ANAPC2: variants seen among roughly 807,000 people sequenced by gnomAD.
The protein encoded by ANAPC2 is anaphase promoting complex subunit 2.
A neutral mutation model predicts 84.3 loss-of-function variants in ANAPC2; 29 were observed. The observed-to-expected ratio is 0.34, with a 90% CI of 0.26 to 0.47. ANAPC2 has a LOEUF of 0.47. Among genes scored for constraint, ANAPC2 ranks in the 20% least tolerant of loss-of-function variants. The pLI is 1.00. For missense variants in ANAPC2, 857 were observed against 1,131.7 expected, an observed-to-expected ratio of 0.76 and a Z score of 3.48; for synonymous variants, 571 against 479.4, an observed-to-expected ratio of 1.19 and a Z score of -2.50.
At position 137,188,467 on chromosome 9, in the gene ANAPC2, C is replaced by T; in HGVS notation, c.66G>A (p.Val22=). The part of the protein sequence containing the change: ...SDSRPGQELL[V]AWNTVSTGLV... ...GGCCGGTGCTCACGGTGTTCCAGGC[C>T]ACTAACAACTCCTGTCCGGGCCGGG... The change falls in exon 1 of 13, where the codon GTG becomes GTA. Residue 22 remains valine (V), a synonymous_variant. Transcript: ENST00000323927. The T allele has an allele frequency of 5.6e-6, 9 of 1,610,548 alleles. No individual in the cohort carries two copies. Among genetic ancestry groups the T allele is most frequent in the Non-Finnish European group, 6.8e-6 (8 of 1,179,540 alleles).
At chr9:137,188,305 G>T in intron 1 of ANAPC2, 111 bp downstream of exon 1, 1 of 1,339,918 alleles carries the variant, frequency 7.5e-7, no homozygotes, top group Non-Finnish European at 1.0e-6. Flanking sequence ...TGGCAGGACA[G>T]GACAGAGGCG....
chr9:137,174,912 T>TGGCGGGCG lies in ANAPC2; in HGVS notation c.*22_*29dup, dbSNP rs367818808. 9.1e-3 allele frequency: 5,034 copies of TGGCGGGCG among 552,368 alleles called. 45 individuals carry two copies. In the East Asian group the frequency reaches 0.11, roughly 12 times the overall value. The allele number at this position is 552,368 out of a possible 1,614,324, so 34.2% of individuals were successfully genotyped here. ...ACGAGAGCACCTGCAGGGCAGCGCC[T>TGGCGGGCG]GGCGGGCGGGCGGGCGGGCGGGCGA... is the stretch of plus-strand genomic sequence containing the variant. On this transcript the variant is annotated 3_prime_UTR_variant, in exon 13 of 13. Coordinates refer to ENST00000323927, the MANE Select transcript of ANAPC2 (RefSeq NM_013366.4). The surrounding 1 kb of genome is among the most constrained non-coding windows in gnomAD (Gnocchi z 6.1).
rs142080330 is a variant in ANAPC2 at position 137,181,744 on chromosome 9, C to T, written c.1405G>A (p.Asp469Asn). ...TDPASLETGQDSEDDSGEPED... is the reference protein window; with the variant it reads ...TDPASLETGQNSEDDSGEPED... The stretch of plus-strand genomic sequence containing the variant: ...GGCTCGCCTGAGTCATCCTCACTGT[C>T]CTGGCCTGTCTCCAGGCTCGCCGGG... The change falls in exon 7 of 13, where the codon GAC becomes AAC. Residue 469 changes from aspartate to asparagine, a missense_variant. Coordinates refer to ENST00000323927, the MANE Select transcript of ANAPC2 (RefSeq NM_013366.4). 1.2e-6 allele frequency: 2 copies of T among 1,612,362 alleles called. No individual in the cohort carries two copies. The highest frequency in any genetic ancestry group is 1.3e-5 in the African/African-American group (1 of 74,934).
chr9:137,177,797 G>A (rs961800950), intron 10 of ANAPC2, among the ~76,000 whole-genome samples: 1 of 134,984 alleles, frequency 7.4e-6, no homozygotes, highest in Non-Finnish European at 1.8e-5. Flanking sequence ...CCCTGGAATA[G>A]AGAGAGTGTT....
rs1377457281 is a variant in ANAPC2, at chr9:137,175,033, T to C, written c.2378A>G (p.Gln793Arg). The change falls in exon 13 of 13, where the codon CAG becomes CGG. Residue 793 changes from glutamine (Q) to arginine (R), a missense_variant. Transcript: ENST00000323927. Reference protein sequence around the residue: ...TGPALAEIDLQELQGYLQKKV... With the variant: ...TGPALAEIDLRELQGYLQKKV... ...CTTCTGCAGGTAGCCCTGCAGCTCCTGCAGGTCAATCTCGGCCAGTGCAGG... is the reference window on the plus strand; with the variant it reads ...CTTCTGCAGGTAGCCCTGCAGCTCCCGCAGGTCAATCTCGGCCAGTGCAGG... 3.1e-6 allele frequency: 5 copies of C among 1,605,076 alleles called. No individual in the cohort carries two copies. The East Asian group carries it at 6.7e-5, about 22-fold the overall frequency.
chr9:137,181,148 G>A (rs530156197), intron 7 of ANAPC2, among the ~76,000 whole-genome samples: 110 of 152,340 alleles, frequency 7.2e-4, no homozygotes, highest in Non-Finnish European at 1.2e-3. Flanking sequence ...GGACCTTCCG[G>A]GACTCCCATG....
intron 10 of ANAPC2, 38 bp downstream of exon 10, chr9:137,180,143 G>A (rs760488830): frequency 5.3e-5 from 85 of 1,597,170 alleles, no homozygotes; most frequent in Middle Eastern, 3.3e-4. Flanking sequence ...CAGGGTAGGG[G>A]TGCCAAGAGC....
chr9:137,181,011 G>T, intron 7 of ANAPC2, 82 bp from the exon 8 acceptor site: 1 of 1,548,864 alleles, frequency 6.5e-7, no homozygotes. Context: ...CGCCCAGCCA[G>T]ACGGCACAGC....
chr9:137,185,981 C>T (rs781007386), intron 3 of ANAPC2, among the ~76,000 whole-genome samples: 19 of 152,310 alleles, frequency 1.2e-4, no homozygotes, highest in Middle Eastern at 3.4e-3. Context: ...GATCCTGGCC[C>T]GATACCGCCT....
At chr9:137,183,454 C>T (rs1410209331) in intron 5 of ANAPC2, 2 of 784,778 alleles carry the variant, frequency 2.5e-6, no homozygotes, top group Admixed American at 5.7e-5. Flanking sequence ...CTCATCACCT[C>T]AGACCTACCG....
chr9:137,181,080 G>A, intron 7 of ANAPC2, 151 bp from the exon 8 acceptor site: 1 of 983,138 alleles, frequency 1.0e-6, no homozygotes, highest in Non-Finnish European at 1.5e-6. Context: ...CCTCCCGGGA[G>A]ACCTGGAGTC....
chr9:137,180,014 A>C (rs2131334151), intron 10 of ANAPC2, among the ~76,000 whole-genome samples, 167 bp downstream of exon 10: 1 of 152,276 alleles, frequency 6.6e-6, no homozygotes, highest in South Asian at 2.1e-4. Flanking sequence ...AGGCGGAGAG[A>C]GCGTGGGCCA....
At chr9:137,185,575 C>T (rs1187697489) in intron 3 of ANAPC2, among the ~76,000 whole-genome samples, 1 of 152,238 alleles carries the variant, frequency 6.6e-6, no homozygotes, top group Non-Finnish European at 1.5e-5. Flanking sequence ...CTACTACCCA[C>T]TCTTGCCCAC....
intron 2 of ANAPC2, chr9:137,187,209 GT>G: frequency 2.0e-6 from 1 of 489,228 alleles, no homozygotes; most frequent in African/African-American, 1.9e-5. Context: ...AGTCCAGGAA[GT>G]TTGGAGTTGC....
At chr9:137,185,488 G>A (rs903263511) in intron 3 of ANAPC2, among the ~76,000 whole-genome samples, 2 of 152,170 alleles carry the variant, frequency 1.3e-5, no homozygotes, top group African/African-American at 2.4e-5. Context: ...CAATTCCGCC[G>A]CGGGGCCCAG....
intron 11 of ANAPC2, 38 bp from the exon 12 acceptor site, chr9:137,175,510 C>T (rs1158363729): frequency 2.6e-6 from 4 of 1,515,580 alleles, no homozygotes; most frequent in Non-Finnish European, 3.5e-6. Flanking sequence ...GCAGCCTGGG[C>T]ACGGGCTGCA....
intron 10 of ANAPC2, 90 bp downstream of exon 10, chr9:137,180,091 C>G (rs568058882): frequency 7.1e-7 from 1 of 1,413,468 alleles, no homozygotes; most frequent in African/African-American, 1.4e-5. Context: ...CGGGTGACAA[C>G]GGGGCAGCCA....
Position 137,180,186 on chromosome 9 carries a change from G to C in ANAPC2, c.1885C>G (p.Leu629Val). Residue 629 changes from leucine (L) to valine (V), a missense_variant, in exon 10 of 13, where the codon CTC (leucine) becomes GTC (valine). This residue lies in a region of ANAPC2 where 425 missense variants were observed against 595.5 expected (regional missense o/e 0.71). Transcript: ENST00000323927. ...GTGGCCTGGCATGGAGGTACCTTGA[G>C]CTGCTCATACTTCTTGCAGTAAGCC... ...LEAYCKKYEQ[L>V]KAMRTLSWKH... 2 of 1,613,472 alleles carry C rather than the reference G, an allele frequency of 1.2e-6. No homozygotes were observed. The highest frequency in any genetic ancestry group is 1.7e-6 in the Non-Finnish European group (2 of 1,179,930).
intron 10 of ANAPC2, among the ~76,000 whole-genome samples, chr9:137,178,541 G>C (rs539153714): frequency 6.6e-6 from 1 of 152,156 alleles, no homozygotes. Context: ...GGCAGCCAGA[G>C]GGGCAGGGGG....
Sources: gnomAD v4.1 joint callset for allele counts (sites outside exome capture counted in the v4.1 genomes callset) on GRCh38, gnomAD v4.1.1 for gene constraint, gnomAD v4.1.1 regional missense constraint, Gnocchi (gnomAD v3.1) non-coding constraint, MANE v1.5 for transcripts, NCBI Gene and HGNC (gene_info 2026-07-23, HGNC 2026-07-21) for gene names.